Variants in NDUFAF1 observed in about 807,000 individuals in gnomAD.
NDUFAF1 encodes complex I intermediate-associated protein 30, mitochondrial.
NDUFAF1 carries 18 observed loss-of-function variants against 28.7 expected under a neutral mutation model. The observed-to-expected ratio is 0.63, with a 90% CI of 0.43 to 0.93. The LOEUF (loss-of-function observed/expected upper bound fraction) is 0.93, where lower values mean the gene tolerates loss of function less well. NDUFAF1 is among the 40% of genes least tolerant of loss of function. The pLI, the probability that NDUFAF1 is intolerant of heterozygous loss-of-function variation, is 0.00. For synonymous variants in NDUFAF1, 113 were observed against 139.7 expected, an observed-to-expected ratio of 0.81 and a Z score of 1.35; for missense variants, 404 against 398.3, an observed-to-expected ratio of 1.01 and a Z score of -0.12.
intron 1 of NDUFAF1, among the ~76,000 whole-genome samples, chr15:41,399,842 C>T (rs1208945312): frequency 3.6e-5 from 4 of 112,304 alleles, no homozygotes; most frequent in African/African-American, 1.4e-4. Context: ...GGCGACAGAG[C>T]GAGACTCCTT....
intron 3 of NDUFAF1, among the ~76,000 whole-genome samples, chr15:41,391,123 A>G (rs1045899268): frequency 6.6e-6 from 1 of 152,032 alleles, no homozygotes; most frequent in African/African-American, 2.4e-5. Context: ...TTGTTTTTAT[A>G]ATGAAGTAGT....
intron 3 of NDUFAF1, among the ~76,000 whole-genome samples, chr15:41,389,810 T>A (rs2050295966): frequency 6.6e-6 from 1 of 152,178 alleles, no homozygotes; most frequent in Non-Finnish European, 1.5e-5. Context: ...AAATGAATTA[T>A]ACATATTAAT....
At chr15:41,389,171 C>T (rs1483761300) in intron 3 of NDUFAF1, among the ~76,000 whole-genome samples, 1 of 151,920 alleles carries the variant, frequency 6.6e-6, no homozygotes, top group African/African-American at 2.4e-5. Context: ...CAACTTCCAC[C>T]TCCCAGGTTC....
chr15:41,393,508 C>T (rs1434879323), intron 3 of NDUFAF1, among the ~76,000 whole-genome samples: 1 of 151,580 alleles, frequency 6.6e-6, no homozygotes, highest in Admixed American at 6.6e-5. Context: ...AGAATGGTCT[C>T]CATCATCTCC....
intron 1 of NDUFAF1, among the ~76,000 whole-genome samples, chr15:41,399,871 A>C (rs1463583302): frequency 2.0e-5 from 3 of 149,244 alleles, no homozygotes; most frequent in Non-Finnish European, 3.0e-5. Flanking sequence ...AAAAAAAAAA[A>C]AAAAAAAAAA....
intron 3 of NDUFAF1, among the ~76,000 whole-genome samples, chr15:41,393,010 T>G (rs995855771): frequency 6.6e-6 from 1 of 152,050 alleles, no homozygotes; most frequent in Admixed American, 6.6e-5. Context: ...GAGTGTATTT[T>G]GGAAGCAGAG....
At chr15:41,401,258 G>A (rs1478508706) in intron 1 of NDUFAF1, among the ~76,000 whole-genome samples, 5 of 146,734 alleles carry the variant, frequency 3.4e-5, no homozygotes, top group African/African-American at 1.0e-4. Flanking sequence ...GTCAGCCACG[G>A]CGCCCAACCT....
intron 1 of NDUFAF1, among the ~76,000 whole-genome samples, chr15:41,398,848 G>A (rs1193407538): frequency 6.6e-6 from 1 of 151,918 alleles, no homozygotes; most frequent in Non-Finnish European, 1.5e-5. Flanking sequence ...CCAGCTACTG[G>A]GGAGGCTGAG....
At chr15:41,394,614 C>G (rs2050358783) in intron 3 of NDUFAF1, among the ~76,000 whole-genome samples, 1 of 138,504 alleles carries the variant, frequency 7.2e-6, no homozygotes, top group South Asian at 2.4e-4. Context: ...ACAATCATCT[C>G]CAAGACTTTT....
chr15:41,402,031 G>C (rs2050469879), intron 1 of NDUFAF1, 113 bp downstream of exon 1: 1 of 241,870 alleles, frequency 4.1e-6, no homozygotes, highest in Non-Finnish European at 8.9e-6. Context: ...CCAGTAAACA[G>C]AAAATCTAAA....
intron 3 of NDUFAF1, 130 bp downstream of exon 3, chr15:41,394,729 C>G (rs1178502609): frequency 3.8e-6 from 3 of 794,324 alleles, no homozygotes; most frequent in Non-Finnish European, 6.0e-6. Flanking sequence ...TGTTGGCCAA[C>G]CTGGTCTCGA....
In NDUFAF1 at chr15:41,402,332, C is replaced by T. The variant is rs1027443804; in HGVS notation, c.-270G>A. 6.2e-5 allele frequency: 28 copies of T among 454,124 alleles called. No individual in the cohort carries two copies. Among genetic ancestry groups the T allele is most frequent in the African/African-American group, 1.0e-4 (5 of 50,138 alleles). The allele number at this position is 454,124 out of a possible 1,614,324, so 28.1% of individuals were successfully genotyped here. On this transcript the variant is annotated 5_prime_UTR_variant, in exon 1 of 5. Transcript: ENST00000260361. ...ATACCTCCCGCACTCACGGCCTGGC[C>T]TCCGGAGGCTAGACGGTTCGCCGCG...
chr15:41,391,610 A>G (rs1341072580), intron 3 of NDUFAF1, among the ~76,000 whole-genome samples: 1 of 150,834 alleles, frequency 6.6e-6, no homozygotes, highest in Non-Finnish European at 1.5e-5. Context: ...TCCATCTTAA[A>G]AAAAAAAAAA....
Position 41,394,847 on chromosome 15 carries a change from T to C in NDUFAF1, c.759+12A>G. 10 of 1,613,676 alleles carry C rather than the reference T, an allele frequency of 6.2e-6. No homozygotes were observed. The highest frequency in any genetic ancestry group is 8.5e-6 in the Non-Finnish European group (10 of 1,179,714). ...CCTCATTTTTATAAACAATGAAGAT[T>C]TATGCTGTTACCTTGACCTCCTGCC... On this transcript the variant is annotated intron_variant, in intron 3 of 4. Transcript: ENST00000260361.
intron 1 of NDUFAF1, among the ~76,000 whole-genome samples, chr15:41,400,240 G>A (rs1042971434): frequency 3.3e-5 from 5 of 151,166 alleles, no homozygotes; most frequent in East Asian, 2.0e-4. Context: ...GTGTGGTGGC[G>A]CACAACTGTA....
intron 4 of NDUFAF1, 132 bp downstream of exon 4, chr15:41,388,316 G>C: frequency 1.4e-6 from 1 of 719,774 alleles, no homozygotes; most frequent in Non-Finnish European, 2.4e-6. Flanking sequence ...TCAGCCTCTG[G>C]CTGGGTATAA....
intron 4 of NDUFAF1, 33 bp downstream of exon 4, chr15:41,388,413 TAC>T: frequency 1.3e-6 from 2 of 1,485,078 alleles, no homozygotes; most frequent in Non-Finnish European, 1.9e-6. Context: ...TTAAAAATGA[TAC>T]AGTTCTGAGT....
chr15:41,388,391 A>C (rs995946120), intron 4 of NDUFAF1, 57 bp downstream of exon 4: 2 of 1,329,058 alleles, frequency 1.5e-6, no homozygotes, highest in Non-Finnish European at 2.2e-6. Context: ...GTCTCCCCAG[A>C]GTTCCGATTC....
chr15:41,390,599 C>T (rs1387292113), intron 3 of NDUFAF1, among the ~76,000 whole-genome samples: 1 of 151,672 alleles, frequency 6.6e-6, no homozygotes, highest in Non-Finnish European at 1.5e-5. Flanking sequence ...GTGGCAGGTG[C>T]CTGTAGTCCC....
Sources: allele counts gnomAD v4.1 joint callset (sites outside exome capture counted in the v4.1 genomes callset), GRCh38; gene constraint gnomAD v4.1.1; transcripts MANE v1.5; gene names NCBI Gene and HGNC (gene_info 2026-07-23, HGNC 2026-07-21).